Variants in COL4A4 observed in about 807,000 individuals in gnomAD.
The protein encoded by COL4A4 is collagen alpha-4(IV) chain.
A neutral mutation model predicts 192.9 loss-of-function variants in COL4A4; 105 were observed. That is an observed-to-expected ratio of 0.54 (90% CI 0.46 to 0.64). COL4A4 has a LOEUF of 0.64. Ranked by LOEUF, COL4A4 falls within the 30% of genes least tolerant of loss-of-function variation. The pLI is 0.00. For synonymous variants in COL4A4, 762 were observed against 769.9 expected (o/e 0.99, Z 0.17); for missense variants, 1,967 against 2,169.3 (o/e 0.91, Z 1.85).
chr2:227,029,705 A>C (rs950181857), intron 41 of COL4A4, among the ~76,000 whole-genome samples: 1 of 152,204 alleles, frequency 6.6e-6, no homozygotes, highest in Non-Finnish European at 1.5e-5. Flanking sequence ...GCTTCTTTGA[A>C]CCTAAAAATT....
At chr2:226,969,632 C>T in the COL4A4 span, among the ~76,000 whole-genome samples, 1 of 152,082 alleles carries the variant, frequency 6.6e-6, no homozygotes, top group Non-Finnish European at 1.5e-5. Flanking sequence ...GACTTCTTTC[C>T]TTTTCAGAAC....
intron 12 of COL4A4, 139 bp downstream of exon 12, chr2:227,108,442 C>A (rs971597534): frequency 5.1e-6 from 4 of 791,500 alleles, no homozygotes; most frequent in Middle Eastern, 2.3e-4. Context: ...CATAATAATT[C>A]GGCAAAGAAA....
intron 7 of COL4A4, among the ~76,000 whole-genome samples, chr2:227,117,809 CTAAGA>C (rs3056548): frequency 0.34 from 51,025 of 151,546 alleles, 9,268 homozygotes; most frequent in Non-Finnish European, 0.41. Flanking sequence ...AAAAAAAAAG[CTAAGA>C]GCCGTAAGTT....
chr2:227,102,381 C>G (rs1382662002), intron 15 of COL4A4, among the ~76,000 whole-genome samples: 1 of 152,216 alleles, frequency 6.6e-6, no homozygotes, highest in Non-Finnish European at 1.5e-5. Flanking sequence ...TCCATGGTGA[C>G]TCTATGAGTG....
intron 20 of COL4A4, among the ~76,000 whole-genome samples, chr2:227,093,551 C>T (rs2060047263): frequency 6.6e-6 from 1 of 152,014 alleles, no homozygotes; most frequent in Admixed American, 6.6e-5. Flanking sequence ...TGGCACCCAC[C>T]CAGAAGTGGA....
At chr2:227,154,620 T>C (rs1387775163) in intron 1 of COL4A4, among the ~76,000 whole-genome samples, 1 of 152,256 alleles carries the variant, frequency 6.6e-6, no homozygotes, top group Non-Finnish European at 1.5e-5. Flanking sequence ...CTTTCGACAC[T>C]GAGCCATCTG....
At chr2:226,992,154 G>C in the COL4A4 span, among the ~76,000 whole-genome samples, 1 of 152,170 alleles carries the variant, frequency 6.6e-6, no homozygotes, top group East Asian at 1.9e-4. Context: ...GAAACAATTT[G>C]ACACATGAAT....
At chr2:227,053,031 C>T (rs1031126976) in intron 31 of COL4A4, among the ~76,000 whole-genome samples, 2 of 151,536 alleles carry the variant, frequency 1.3e-5, no homozygotes, top group African/African-American at 2.4e-5. Flanking sequence ...TTAAATCAGC[C>T]GTGGCAGGAG....
intron 31 of COL4A4, among the ~76,000 whole-genome samples, chr2:227,053,543 C>CTTTTTTTTTTTTT (rs56724633): frequency 9.8e-6 from 1 of 102,258 alleles, no homozygotes; most frequent in Non-Finnish European, 1.9e-5. Flanking sequence ...TTTTCTTTTT[C>CTTTTTTTTTTTTT]TTTTTTTTTT....
intron 27 of COL4A4, 21 bp downstream of exon 27, chr2:227,060,115 A>AAC (rs1559522608): frequency 1.5e-5 from 20 of 1,306,052 alleles, no homozygotes; most frequent in South Asian, 2.6e-5. Flanking sequence ...AAAAAAAAAA[A>AAC]AAAAAAAAAA....
At chr2:227,066,165 A>AAAAAAGAAT (rs1241334893) in intron 25 of COL4A4, among the ~76,000 whole-genome samples, 3 of 152,162 alleles carry the variant, frequency 2.0e-5, no homozygotes, top group African/African-American at 7.2e-5. Flanking sequence ...AAGTTTAGAG[A>AAAAAAGAAT]AAAAAGAATA....
At chr2:227,134,788 G>A (rs561541763) in intron 4 of COL4A4, among the ~76,000 whole-genome samples, 1 of 152,304 alleles carries the variant, frequency 6.6e-6, no homozygotes, top group African/African-American at 2.4e-5. Context: ...AAACCAAAAA[G>A]ACTAAGACAA....
At chr2:227,149,685 T>A (rs886922306) in intron 1 of COL4A4, among the ~76,000 whole-genome samples, 1 of 152,246 alleles carries the variant, frequency 6.6e-6, no homozygotes, top group Non-Finnish European at 1.5e-5. Context: ...GGTATTTACA[T>A]TTTGATCCCA....
chr2:227,080,661 T>C (rs2059276566), intron 23 of COL4A4, 112 bp from the exon 24 acceptor site: 8 of 855,178 alleles, frequency 9.4e-6, no homozygotes, highest in Middle Eastern at 2.8e-4. Context: ...TAGTTTCCTG[T>C]GTATCTCAAT....
the COL4A4 span, among the ~76,000 whole-genome samples, chr2:226,972,841 A>G: frequency 6.6e-6 from 1 of 151,652 alleles, no homozygotes; most frequent in South Asian, 2.1e-4. Flanking sequence ...GTTGGGTTAT[A>G]GGTAAGTACA....
chr2:227,069,727 A>G (rs1377652740), intron 25 of COL4A4, among the ~76,000 whole-genome samples: 1 of 152,172 alleles, frequency 6.6e-6, no homozygotes, highest in Admixed American at 6.5e-5. Context: ...TTCAAGACGG[A>G]TTAAAGACTT....
intron 44 of COL4A4, among the ~76,000 whole-genome samples, chr2:227,019,054 C>T (rs540465152): frequency 1.3e-5 from 2 of 152,266 alleles, no homozygotes; most frequent in South Asian, 4.1e-4. Flanking sequence ...CCCAACCATC[C>T]CTCTGGCCTC....
rs753900591 is a variant in COL4A4, at chr2:227,033,494, A to G, written c.3506-13T>C. ...GATCCGGAGGGACCTGAAAAACACC[A>G]CAGGCCTGTGACCCAAAGGAAGACC... On this transcript the variant is annotated splice_polypyrimidine_tract_variant and intron_variant, in intron 37 of 47. Transcript: ENST00000396625. The G allele has an allele frequency of 6.2e-7, 1 of 1,611,130 alleles. No homozygotes were observed. The highest frequency in any genetic ancestry group is 1.3e-5 in the African/African-American group (1 of 74,888).
Position 227,089,904 on chromosome 2 carries a change from C to A in COL4A4, c.1423G>T (p.Gly475Cys), listed in dbSNP as rs1371408968. Residue 475 changes from glycine (G) to cysteine (C), a missense_variant, in exon 21 of 48, where the codon GGT (glycine) becomes TGT (cysteine). Coordinates refer to ENST00000396625, the MANE Select transcript of COL4A4 (RefSeq NM_000092.5). ...PGPQGIKGKV[G>C]PPGGRGPKGE... ...TTTGGGCCTCTTCCTCCTGGGGGAC[C>A]AACTTTGCCTTTTATTCCTTGTGGT... The A allele has an allele frequency of 6.2e-7, 1 of 1,613,670 alleles. No individual in the cohort carries two copies. Among genetic ancestry groups the A allele is most frequent in the Non-Finnish European group, 8.5e-7 (1 of 1,179,736 alleles).
Sources: gnomAD v4.1 joint callset for allele counts (sites outside exome capture counted in the v4.1 genomes callset) on GRCh38, gnomAD v4.1.1 for gene constraint, MANE v1.5 for transcripts, NCBI Gene and HGNC (gene_info 2026-07-23, HGNC 2026-07-21) for gene names.